The following SNTG1 variants were observed in gnomAD, a reference collection of about 807,000 sequenced individuals.
SNTG1 encodes the protein syntrophin gamma 1.
In SNTG1, 39 loss-of-function variants were observed where a neutral mutation model predicts 74.7. The observed-to-expected ratio is 0.52, with a 90% CI of 0.40 to 0.68. SNTG1 has a LOEUF of 0.68. Among genes scored for constraint, SNTG1 ranks in the 30% least tolerant of loss-of-function variants. SNTG1 has a pLI of 0.00. For missense variants in SNTG1, 685 were observed against 609.5 expected, an observed-to-expected ratio of 1.12 and a Z score of -1.30; for synonymous variants, 254 against 217.1, an observed-to-expected ratio of 1.17 and a Z score of -1.49.
chr8:50,770,424 C>T (rs779338641), intron 18 of SNTG1, among the ~76,000 whole-genome samples: 3 of 151,952 alleles, frequency 2.0e-5, no homozygotes, highest in African/African-American at 4.8e-5. Context: ...TTCCTACTAC[C>T]CTGTCCAGAC....
intron 8 of SNTG1, among the ~76,000 whole-genome samples, chr8:50,485,920 A>G (rs2131845848): frequency 6.6e-6 from 1 of 151,096 alleles, no homozygotes; most frequent in South Asian, 2.1e-4. Context: ...CCATTTATTA[A>G]ATAGGGAATC....
intron 2 of SNTG1, among the ~76,000 whole-genome samples, chr8:50,215,841 T>A (rs568115118): frequency 9.8e-5 from 15 of 152,306 alleles, no homozygotes; most frequent in African/African-American, 3.6e-4. Flanking sequence ...ATCTGCCACA[T>A]GGATAACAAG....
chr8:50,502,918 C>G, intron 9 of SNTG1, 38 bp downstream of exon 9: 3 of 1,420,204 alleles, frequency 2.1e-6, no homozygotes, highest in Non-Finnish European at 2.9e-6. Flanking sequence ...GTGCTCACAT[C>G]ATTATAGTTA....
In SNTG1 at chr8:50,211,678, C is replaced by T. The variant is rs10086711; in HGVS notation, c.-28+39043C>T. ...CAATGAACTGAGCCATAAGATTCCA[C>T]GTCTTATTTTTTTAAAAGAGAGATA... On this transcript the variant is annotated intron_variant, in intron 2 of 18. Transcript: ENST00000642720. Among the ~76,000 whole-genome samples the T allele has an allele frequency of 8.1e-3, 1,231 of 152,116 alleles. 18 individuals are homozygous for T. Among genetic ancestry groups the T allele is most frequent in the African/African-American group, 0.028 (1,182 of 41,528 alleles).
At chr8:50,757,611 T>C (rs1030262722) in intron 18 of SNTG1, among the ~76,000 whole-genome samples, 5 of 151,928 alleles carry the variant, frequency 3.3e-5, no homozygotes, top group Admixed American at 1.3e-4. Flanking sequence ...TTTGGTCTTA[T>C]TTCTTCATCC....
At chr8:50,010,673 A>C (rs558000665) in intron 1 of SNTG1, among the ~76,000 whole-genome samples, 1 of 152,214 alleles carries the variant, frequency 6.6e-6, no homozygotes, top group Admixed American at 6.5e-5. Flanking sequence ...AGATTAAAAA[A>C]AAATTCTTAC....
chr8:50,284,312 T>C (rs1178275752), intron 2 of SNTG1, among the ~76,000 whole-genome samples: 4 of 151,490 alleles, frequency 2.6e-5, no homozygotes, highest in Non-Finnish European at 5.9e-5. Context: ...TATGAATAGA[T>C]TGAGATTATA....
chr8:50,119,462 G>A (rs2080926309), intron 1 of SNTG1, among the ~76,000 whole-genome samples: 1 of 141,364 alleles, frequency 7.1e-6, no homozygotes, highest in Non-Finnish European at 1.6e-5. Context: ...CTTGACCCAA[G>A]AAAAGTTATG....
chr8:50,496,210 C>T (rs77959757), intron 8 of SNTG1, among the ~76,000 whole-genome samples: 5,516 of 152,086 alleles, frequency 0.036, 345 homozygotes, highest in African/African-American at 0.13. Flanking sequence ...TCTAAGTGAC[C>T]GTTTTCCATC....
At chr8:50,021,979 G>T (rs1462419895) in intron 1 of SNTG1, among the ~76,000 whole-genome samples, 1 of 150,532 alleles carries the variant, frequency 6.6e-6, no homozygotes, top group Non-Finnish European at 1.5e-5. Flanking sequence ...AAAAGAAGAA[G>T]AAGAAGAAAA....
chr8:49,965,627 T>G (rs751418999), intron 1 of SNTG1, among the ~76,000 whole-genome samples: 7 of 152,204 alleles, frequency 4.6e-5, no homozygotes, highest in Non-Finnish European at 7.3e-5. Context: ...AATGTGGTTG[T>G]TGTCATGCGC....
chr8:50,236,943 T>C (rs2132104525), intron 2 of SNTG1, among the ~76,000 whole-genome samples: 1 of 152,272 alleles, frequency 6.6e-6, no homozygotes, highest in Middle Eastern at 3.4e-3. Context: ...AGTGTGTGTA[T>C]CTAAAAAATA....
intron 9 of SNTG1, among the ~76,000 whole-genome samples, chr8:50,506,813 C>T (rs1176671722): frequency 6.6e-6 from 1 of 151,854 alleles, no homozygotes; most frequent in Non-Finnish European, 1.5e-5. Flanking sequence ...TTAGTCTTGC[C>T]TAATTGCTTC....
chr8:50,027,113 CA>C (rs1817336118), intron 1 of SNTG1, among the ~76,000 whole-genome samples: 1 of 152,110 alleles, frequency 6.6e-6, no homozygotes, highest in Non-Finnish European at 1.5e-5. Flanking sequence ...TATTTCTAAC[CA>C]TGTTATTTCT....
At chr8:50,605,768 A>C (rs1377754106) in intron 13 of SNTG1, among the ~76,000 whole-genome samples, 1 of 152,036 alleles carries the variant, frequency 6.6e-6, no homozygotes, top group Non-Finnish European at 1.5e-5. Flanking sequence ...TGTTGGTTAA[A>C]ATTTGGTGCT....
At chr8:50,456,644 A>T (rs1490130109) in intron 8 of SNTG1, among the ~76,000 whole-genome samples, 13 of 152,196 alleles carry the variant, frequency 8.5e-5, no homozygotes, top group Non-Finnish European at 1.5e-5. Context: ...ACTTCCCAAA[A>T]GACACCACCA....
chr8:50,715,787 A>G (rs1250657531), intron 17 of SNTG1, among the ~76,000 whole-genome samples: 4 of 152,184 alleles, frequency 2.6e-5, no homozygotes, highest in Non-Finnish European at 5.9e-5. Context: ...AAATCACTTC[A>G]TTCTGGTTTT....
intron 1 of SNTG1, among the ~76,000 whole-genome samples, chr8:49,942,205 G>T (rs1808754872): frequency 6.6e-6 from 1 of 152,074 alleles, no homozygotes; most frequent in Admixed American, 6.6e-5. Flanking sequence ...TCTTGACTGA[G>T]ACCTACCCAG....
intron 18 of SNTG1, among the ~76,000 whole-genome samples, chr8:50,766,095 C>A (rs2095612832): frequency 6.6e-6 from 1 of 151,956 alleles, no homozygotes; most frequent in Admixed American, 6.6e-5. Flanking sequence ...AAACCCAGGA[C>A]AGTTTGTTCT....
Sources: allele counts gnomAD v4.1 joint callset (sites outside exome capture counted in the v4.1 genomes callset), GRCh38; gene constraint gnomAD v4.1.1; transcripts MANE v1.5; gene names NCBI Gene and HGNC (gene_info 2026-07-23, HGNC 2026-07-21).